NUP210L: variants seen among roughly 807,000 people sequenced by gnomAD.
The protein encoded by NUP210L is nuclear pore membrane glycoprotein 210-like.
Under a neutral mutation model 208.5 loss-of-function variants are expected in NUP210L, and 74 were observed. The observed-to-expected ratio is 0.35, with a 90% CI of 0.29 to 0.43. The LOEUF (loss-of-function observed/expected upper bound fraction) is 0.43. Among genes scored for constraint, NUP210L ranks in the 20% least tolerant of loss-of-function variants. The pLI is 1.00. For synonymous variants in NUP210L, 780 were observed against 816.9 expected, an observed-to-expected ratio of 0.95 and a Z score of 0.77; for missense variants, 1,843 against 2,289.4, an observed-to-expected ratio of 0.81 and a Z score of 3.98.
At chr1:154,155,069 C>A (rs1239443524) in exon 1 of NUP210L, 1 of 1,548,320 alleles carries the variant, frequency 6.5e-7, no homozygotes, top group Non-Finnish European at 8.8e-7. Context: ...CTCGGGTTCC[C>A]GCTCAACTAC....
intron 12 of NUP210L, among the ~76,000 whole-genome samples, chr1:154,105,372 C>T (rs912529786): frequency 2.0e-5 from 3 of 152,052 alleles, no homozygotes; most frequent in Admixed American, 6.6e-5. Context: ...CACCTGTAAT[C>T]CCAGCTATCA....
chr1:154,000,895 C>A (rs765712918), exon 37 of NUP210L: 4 of 1,614,094 alleles, frequency 2.5e-6, no homozygotes, highest in Non-Finnish European at 8.5e-7. Flanking sequence ...ACTACCACTG[C>A]CTCACTTTGA....
At chr1:154,103,943 T>C (rs1656614160) in intron 13 of NUP210L, 69 bp downstream of exon 13, 1 of 1,214,920 alleles carries the variant, frequency 8.2e-7, no homozygotes. Flanking sequence ...AAGTAATCTG[T>C]CACAGTGGTA....
At chr1:154,123,993 C>T (rs2148110931) in intron 10 of NUP210L, among the ~76,000 whole-genome samples, 1 of 151,734 alleles carries the variant, frequency 6.6e-6, no homozygotes, top group Non-Finnish European at 1.5e-5. Flanking sequence ...ACCAGCCTGG[C>T]CAATATGGTG....
exon 30 of NUP210L, chr1:154,025,581 T>G: frequency 6.2e-7 from 1 of 1,613,342 alleles, no homozygotes. Flanking sequence ...CTCCAAAAGG[T>G]TCTATAGAAG....
chr1:154,006,585 C>A (rs1337684027), intron 35 of NUP210L, among the ~76,000 whole-genome samples: 1 of 151,670 alleles, frequency 6.6e-6, no homozygotes, highest in Non-Finnish European at 1.5e-5. Context: ...CCTCCGCCTC[C>A]TGGGTTCAAG....
Position 153,996,977 on chromosome 1 carries a change from T to A in NUP210L, c.5387-1797A>T, listed in dbSNP as rs117889477. Reference sequence around the variant, plus strand: ...CCATCATGTCCGACTTTTTTTTTGTTTTTGAGATGGAGTTTCACTCTTGTT... The same window carrying A: ...CCATCATGTCCGACTTTTTTTTTGTATTTGAGATGGAGTTTCACTCTTGTT... On this transcript the variant is annotated intron_variant, in intron 37 of 39. Transcript: ENST00000368559. Among the ~76,000 whole-genome samples, 30 of 151,624 alleles carry A rather than the reference T, an allele frequency of 2.0e-4. 1 individual carries two copies. The East Asian group carries it at 5.9e-3, about 30-fold the overall frequency.
At chr1:154,126,249 T>C in intron 10 of NUP210L, 74 bp downstream of exon 10, 1 of 1,320,270 alleles carries the variant, frequency 7.6e-7, no homozygotes, top group Non-Finnish European at 1.1e-6. Context: ...GCTATATATC[T>C]GCTTGCAAAT....
At chr1:154,128,450 CAGCCTGGGCAACAG>C (rs1658093749) in intron 8 of NUP210L, among the ~76,000 whole-genome samples, 1 of 152,156 alleles carries the variant, frequency 6.6e-6, no homozygotes, top group Non-Finnish European at 1.5e-5. Flanking sequence ...CATTGCATTC[CAGCCTGGGCAACAG>C]AGCCAGACAC....
At chr1:154,128,858 AAAAC>A (rs1658113476) in intron 8 of NUP210L, among the ~76,000 whole-genome samples, 1 of 152,194 alleles carries the variant, frequency 6.6e-6, no homozygotes, top group Non-Finnish European at 1.5e-5. Context: ...AACAAAAACA[AAAAC>A]AAACACAAAC....
chr1:154,090,825 A>C (rs1196195535), intron 15 of NUP210L, among the ~76,000 whole-genome samples: 5 of 151,650 alleles, frequency 3.3e-5, no homozygotes, highest in African/African-American at 1.2e-4. Flanking sequence ...AAAAAAAAAG[A>C]AAGAAACTGA....
At chr1:154,042,415 TTTGTTGTTG>T (rs575841395) in intron 27 of NUP210L, among the ~76,000 whole-genome samples, 8 of 146,850 alleles carry the variant, frequency 5.4e-5, no homozygotes, top group African/African-American at 7.6e-5. Flanking sequence ...TGAAGGCCTT[TTTGTTGTTG>T]TTGTTGTTGT....
intron 10 of NUP210L, among the ~76,000 whole-genome samples, chr1:154,121,638 G>A (rs947679094): frequency 3.3e-5 from 5 of 152,032 alleles, no homozygotes; most frequent in Admixed American, 6.6e-5. Flanking sequence ...AGGCCAAGGC[G>A]GGTGGATCAC....
At chr1:154,115,303 G>C (rs748399171) in intron 12 of NUP210L, among the ~76,000 whole-genome samples, 1 of 152,204 alleles carries the variant, frequency 6.6e-6, no homozygotes, top group Non-Finnish European at 1.5e-5. Flanking sequence ...TAAAGAGCTA[G>C]ATAGTAAACA....
chr1:154,117,798 G>A, exon 12 of NUP210L: 1 of 1,612,284 alleles, frequency 6.2e-7, no homozygotes, highest in Non-Finnish European at 8.5e-7. Context: ...GACCTGACCT[G>A]CAGTCACCAC....
chr1:154,078,617 T>C (rs1189140109), intron 16 of NUP210L, among the ~76,000 whole-genome samples: 1 of 149,258 alleles, frequency 6.7e-6, no homozygotes, highest in Non-Finnish European at 1.5e-5. Flanking sequence ...AAGAAAACAA[T>C]ATATATATTT....
At chr1:154,049,807 T>C (rs982437216) in intron 25 of NUP210L, among the ~76,000 whole-genome samples, 3 of 152,194 alleles carry the variant, frequency 2.0e-5, no homozygotes, top group African/African-American at 7.2e-5. Context: ...AAAAGACTGT[T>C]TCTTTACTAT....
At chr1:154,059,152 T>C (rs910333829) in intron 20 of NUP210L, among the ~76,000 whole-genome samples, 1 of 152,096 alleles carries the variant, frequency 6.6e-6, no homozygotes, top group Non-Finnish European at 1.5e-5. Flanking sequence ...CTGGGCAACA[T>C]GGTGAAACCC....
At chr1:154,151,375 C>A (rs1285776267) in intron 2 of NUP210L, among the ~76,000 whole-genome samples, 1 of 151,768 alleles carries the variant, frequency 6.6e-6, no homozygotes, top group Admixed American at 6.6e-5. Flanking sequence ...GTCCTCTCAG[C>A]CAGGCAGCAG....
Sources: allele counts gnomAD v4.1 joint callset (sites outside exome capture counted in the v4.1 genomes callset), GRCh38; gene constraint gnomAD v4.1.1; transcripts MANE v1.5; gene names NCBI Gene and HGNC (gene_info 2026-07-23, HGNC 2026-07-21).